Variants in C17orf113 observed in about 807,000 individuals in gnomAD.
The protein encoded by C17orf113 is chromosome 17 open reading frame 113, also known as uncharacterized protein C17orf113.
In C17orf113, 5 loss-of-function variants were observed where a neutral mutation model predicts 11.6. That is an observed-to-expected ratio of 0.43 (90% CI 0.23 to 0.91). C17orf113 has a LOEUF of 0.91. Among genes scored for constraint, C17orf113 ranks in the 40% least tolerant of loss-of-function variants. The pLI is 0.26. For synonymous variants in C17orf113, 327 were observed against 390.6 expected, an observed-to-expected ratio of 0.84 and a Z score of 1.92; for missense variants, 714 against 841.3, an observed-to-expected ratio of 0.85 and a Z score of 1.87.
intron 1 of C17orf113, among the ~76,000 whole-genome samples, chr17:42,048,805 T>C (rs1395758394): frequency 2.0e-5 from 3 of 152,134 alleles, no homozygotes; most frequent in Non-Finnish European, 4.4e-5. Flanking sequence ...ACGAGTGCAG[T>C]TGCTTCCTGA....
At chr17:42,043,644 C>T (rs935204182) in intron 1 of C17orf113, 81 bp from the exon 2 acceptor site, 5 of 307,172 alleles carry the variant, frequency 1.6e-5, no homozygotes, top group African/African-American at 8.6e-5. Context: ...AGGCTTCATG[C>T]TGCCCACAGA....
intron 1 of C17orf113, among the ~76,000 whole-genome samples, chr17:42,044,327 AAAAAGAC>A (rs2053101747): frequency 6.7e-6 from 1 of 148,192 alleles, no homozygotes; most frequent in Non-Finnish European, 1.5e-5. Context: ...AAAAAAAAAA[AAAAAGAC>A]GGCCGGGTGG....
Position 42,040,073 on chromosome 17 carries a change from G to A in C17orf113, c.1660C>T (p.Arg554Cys). 1 of 1,231,232 alleles carries A rather than the reference G, an allele frequency of 8.1e-7. No individual in the cohort carries two copies. The highest frequency in any genetic ancestry group is 1.0e-6 in the Non-Finnish European group (1 of 987,584). 76.3% of individuals were successfully genotyped at this position (1,231,232 alleles called of 1,614,324 possible). ...LLRGFAPAVV[R>C]QRALGDFALF... ...GCGAAGTCGCCCAGCGCCCGCTGGCGCACCACGGCAGGAGCAAAGCCGCGC... is the reference window on the plus strand; with the variant it reads ...GCGAAGTCGCCCAGCGCCCGCTGGCACACCACGGCAGGAGCAAAGCCGCGC... Residue 554 changes from arginine (R) to cysteine (C), a missense_variant, in exon 3 of 3, where the codon CGC (arginine) becomes TGC (cysteine). Arg to Cys is a radical substitution (Grantham distance 180, BLOSUM62 -3). Transcript: ENST00000587304.
At chr17:42,044,225 T>C (rs1486661363) in intron 1 of C17orf113, among the ~76,000 whole-genome samples, 3 of 148,724 alleles carry the variant, frequency 2.0e-5, no homozygotes, top group Non-Finnish European at 4.4e-5. Flanking sequence ...GCAGGATTGC[T>C]TGAGCCTGGG....
At chr17:42,044,414 C>T (rs1480880337) in intron 1 of C17orf113, among the ~76,000 whole-genome samples, 6 of 151,184 alleles carry the variant, frequency 4.0e-5, no homozygotes, top group South Asian at 2.1e-4. Flanking sequence ...GTCAGGAGTC[C>T]GAGACCAGCC....
rs890935812 is a variant in C17orf113 at position 42,039,997 on chromosome 17, A to G, written c.1736T>C (p.Leu579Pro). 28 of 1,230,872 alleles carry G rather than the reference A, an allele frequency of 2.3e-5. No homozygotes were observed. The highest frequency in any genetic ancestry group is 2.6e-5 in the Non-Finnish European group (26 of 987,448). The allele number at this position is 1,230,872 out of a possible 1,614,324, so 76.2% of individuals were successfully genotyped here. Residue 579 changes from leucine (L) to proline (P), a missense_variant, in exon 3 of 3, where the codon CTG (leucine) becomes CCG (proline). Coordinates refer to ENST00000587304, the MANE Select transcript of C17orf113 (RefSeq NM_001358661.2). ...FGLGRLGPRA[L>P]CTQLACAHSE... The stretch of plus-strand genomic sequence containing the variant: ...GTGCGCGCACGCCAGCTGGGTGCAC[A>G]GGGCCCGCGGGCCGAGCCGCCCAAG...
intron 1 of C17orf113, among the ~76,000 whole-genome samples, chr17:42,046,853 A>T (rs1380661037): frequency 6.6e-6 from 1 of 150,380 alleles, no homozygotes; most frequent in Non-Finnish European, 1.5e-5. Flanking sequence ...ATTAGATGAT[A>T]TTTTTTTTCC....
intron 2 of C17orf113, 21 bp downstream of exon 2, chr17:42,042,813 A>G: frequency 8.1e-7 from 1 of 1,231,974 alleles, no homozygotes; most frequent in Non-Finnish European, 1.0e-6. Flanking sequence ...CCCTTCCCCC[A>G]TACTTCTGGC....
intron 1 of C17orf113, among the ~76,000 whole-genome samples, chr17:42,048,088 T>TC (rs2053205450): frequency 6.6e-6 from 1 of 151,968 alleles, no homozygotes; most frequent in Admixed American, 6.6e-5. Context: ...GGAGGTCATC[T>TC]CCTCCCCCCC....
At chr17:42,045,339 C>T (rs1488395033) in intron 1 of C17orf113, among the ~76,000 whole-genome samples, 1 of 152,280 alleles carries the variant, frequency 6.6e-6, no homozygotes, top group Non-Finnish European at 1.5e-5. Context: ...GCGTGCGCCA[C>T]CGCGCCTGGC....
intron 1 of C17orf113, among the ~76,000 whole-genome samples, chr17:42,045,206 C>A (rs577526225): frequency 6.6e-6 from 1 of 152,222 alleles, no homozygotes; most frequent in African/African-American, 2.4e-5. Context: ...CGTGAGCCAC[C>A]GCGCCCAGCC....
At position 42,039,014 on chromosome 17, in the gene C17orf113, G is replaced by T. The variant is rs1345400912; in HGVS notation, c.*691C>A. 1 of 152,234 alleles carries T rather than the reference G, an allele frequency of 6.6e-6. No individual in the cohort carries two copies. The highest frequency in any genetic ancestry group is 1.9e-4 in the East Asian group (1 of 5,178). 9.4% of individuals were successfully genotyped at this position (152,234 alleles called of 1,614,324 possible). A position where few individuals can be genotyped will look rare whatever the true frequency, so the allele number is the denominator to read the frequency against. On this transcript the variant is annotated 3_prime_UTR_variant, in exon 3 of 3. Coordinates refer to ENST00000587304, the MANE Select transcript of C17orf113 (RefSeq NM_001358661.2). ...GCCTGTAATCCCAGCATTTTGGGAG[G>T]CCGAGGCAGGTGGATCACTTGAGGT...
chr17:42,047,594 G>T (rs112706339), intron 1 of C17orf113, among the ~76,000 whole-genome samples: 30 of 152,250 alleles, frequency 2.0e-4, no homozygotes, highest in African/African-American at 6.7e-4. Flanking sequence ...TTCCAGGGCC[G>T]GCTGGTTTGG....
At chr17:42,046,816 A>C (rs1251450584) in intron 1 of C17orf113, among the ~76,000 whole-genome samples, 1 of 152,010 alleles carries the variant, frequency 6.6e-6, no homozygotes, top group African/African-American at 2.4e-5. Flanking sequence ...TGGCCACATG[A>C]AAGAACTCTT....
chr17:42,042,944 T>G lies in C17orf113; in HGVS notation c.433A>C (p.Asn145His), dbSNP rs2053059581. The G allele has an allele frequency of 4.9e-6, 6 of 1,232,476 alleles. No homozygotes were observed. Among genetic ancestry groups the G allele is most frequent in the Non-Finnish European group, 6.1e-6 (6 of 988,214 alleles). The allele number at this position is 1,232,476 out of a possible 1,614,324, so 76.3% of individuals were successfully genotyped here. A position where few individuals can be genotyped will look rare whatever the true frequency, so the allele number is the denominator to read the frequency against. ...TCGAGCAGGGCAGAGCAGCGGTCAT[T>G]GGGCACATCCTCCTTTGCCATGCAG... ...VYCMAKEDVP[N>H]DRCSALLELQ... Residue 145 changes from asparagine (N) to histidine (H), a missense_variant, in exon 2 of 3, where the codon AAT (asparagine) becomes CAT (histidine). Asn to His is a moderately conservative substitution (Grantham distance 68). This residue lies in a region of C17orf113 where 516 missense variants were observed against 626.6 expected (regional missense o/e 0.82). Transcript: ENST00000587304.
At chr17:42,046,052 T>G (rs1368520804) in intron 1 of C17orf113, among the ~76,000 whole-genome samples, 1 of 152,210 alleles carries the variant, frequency 6.6e-6, no homozygotes, top group African/African-American at 2.4e-5. Flanking sequence ...ACTCATTGCC[T>G]GAGAGCAGCT....
intron 2 of C17orf113, among the ~76,000 whole-genome samples, chr17:42,042,350 C>T (rs1033611276): frequency 6.6e-5 from 10 of 152,098 alleles, no homozygotes; most frequent in Non-Finnish European, 1.0e-4. Flanking sequence ...GGTGATACCC[C>T]GTCTCTACTA....
chr17:42,040,625 C>T lies in C17orf113; in HGVS notation c.1108G>A (p.Gly370Ser), dbSNP rs1343155452. 3.2e-6 allele frequency: 4 copies of T among 1,232,354 alleles called. No individual in the cohort carries two copies. Among genetic ancestry groups the T allele is most frequent in the Non-Finnish European group, 4.0e-6 (4 of 988,108 alleles). The allele number at this position is 1,232,354 out of a possible 1,614,324, so 76.3% of individuals were successfully genotyped here. The change falls in exon 3 of 3, where the codon GGC becomes AGC. Residue 370 changes from glycine to serine, a missense_variant. Gly to Ser is a moderately conservative substitution (Grantham distance 56). This residue lies in a region of C17orf113 where 516 missense variants were observed against 626.6 expected (regional missense o/e 0.82). Coordinates refer to ENST00000587304, the MANE Select transcript of C17orf113 (RefSeq NM_001358661.2). ...GCAGCCTCCAGGGTGGGCACCAGGC[C>T]AGGCCAGGCCTCGGCCACTGCTTCC... The part of the protein sequence containing the change: ...VVEAVAEAWP[G>S]LVPTLEAAAL...
In C17orf113 at chr17:42,043,238, C is replaced by T. The variant is rs112045612; in HGVS notation, c.139G>A (p.Glu47Lys). 9.1e-5 allele frequency: 112 copies of T among 1,232,216 alleles called. No individual in the cohort carries two copies. Among genetic ancestry groups the T allele is most frequent in the African/African-American group, 4.2e-4 (27 of 64,562 alleles). The allele number at this position is 1,232,216 out of a possible 1,614,324, so 76.3% of individuals were successfully genotyped here. A position where few individuals can be genotyped will look rare whatever the true frequency, so the allele number is the denominator to read the frequency against. ...TTCCGTACCAGGGCCTGGCGGCACT[C>T]GAGGCAGAACATCAGCTTCCGCTCA... ...DYERKLMFCL[E>K]CRQALVRNKH... The change falls in exon 2 of 3, where the codon GAG becomes AAG. Residue 47 changes from glutamate (E) to lysine (K), a missense_variant. Around this residue, in one of 3 missense-constraint regions of C17orf113, gnomAD observed 516 missense variants for 626.6 expected, o/e 0.82. Transcript: ENST00000587304.
Sources: gnomAD v4.1 joint callset for allele counts (sites outside exome capture counted in the v4.1 genomes callset) on GRCh38, gnomAD v4.1.1 for gene constraint, gnomAD v4.1.1 regional missense constraint, MANE v1.5 for transcripts, NCBI Gene and HGNC (gene_info 2026-07-23, HGNC 2026-07-21) for gene names.